The following CEP164 variants were observed in gnomAD, a reference collection of about 807,000 sequenced individuals.
CEP164 encodes the protein centrosomal protein of 164 kDa.
A neutral mutation model predicts 182.7 loss-of-function variants in CEP164; 162 were observed. The observed-to-expected ratio is 0.89, with a 90% CI of 0.78 to 1.01. The LOEUF (loss-of-function observed/expected upper bound fraction) is 1.01, where lower values mean the gene tolerates loss of function less well. CEP164 is among the 50% of genes least tolerant of loss of function. The pLI, the probability that CEP164 is intolerant of heterozygous loss-of-function variation, is 0.00. For synonymous variants in CEP164, 661 were observed against 690.0 expected (o/e 0.96, Z 0.66); for missense variants, 1,735 against 1,790.4 (o/e 0.97, Z 0.56).
At chr11:117,336,457 GC>G in intron 2 of CEP164, 1 of 1,466,438 alleles carries the variant, frequency 6.8e-7, no homozygotes, top group Non-Finnish European at 9.5e-7. Context: ...AGGATGAGGG[GC>G]CCCACCTGGG....
intron 8 of CEP164, among the ~76,000 whole-genome samples, chr11:117,369,398 A>G (rs2041976696): frequency 6.6e-6 from 1 of 152,222 alleles, no homozygotes; most frequent in Non-Finnish European, 1.5e-5. Context: ...TGGAGCCAAA[A>G]TTTGAGCCTG....
At chr11:117,373,887 T>C in intron 10 of CEP164, 56 bp downstream of exon 10, 9 of 1,494,626 alleles carry the variant, frequency 6.0e-6, no homozygotes, top group Non-Finnish European at 8.4e-6. Flanking sequence ...TTTGTGAGCC[T>C]CCAGGGTTAA....
upstream of CEP164, among the ~76,000 whole-genome samples, chr11:117,325,413 T>G (rs1388769824): frequency 6.6e-6 from 1 of 151,128 alleles, no homozygotes; most frequent in South Asian, 2.1e-4. Context: ...GAGACAGAGC[T>G]TCGCTCTTGT....
At chr11:117,370,799 T>G (rs554220137) in intron 8 of CEP164, among the ~76,000 whole-genome samples, 1 of 152,132 alleles carries the variant, frequency 6.6e-6, no homozygotes, top group Admixed American at 6.5e-5. Context: ...TAGTCCCAGC[T>G]ACTGGGGAGG....
At chr11:117,410,934 GTC>G in intron 31 of CEP164, 40 bp downstream of exon 31, 1 of 1,579,874 alleles carries the variant, frequency 6.3e-7, no homozygotes, top group Non-Finnish European at 8.7e-7. Context: ...GAACGTCATA[GTC>G]GAGCTGCTCA....
chr11:117,398,367 G>C (rs752224298), intron 27 of CEP164, among the ~76,000 whole-genome samples: 10 of 152,182 alleles, frequency 6.6e-5, no homozygotes, highest in Non-Finnish European at 1.3e-4. Flanking sequence ...GCGGCTTTTT[G>C]AGGTGCATAG....
intron 27 of CEP164, among the ~76,000 whole-genome samples, 169 bp from the exon 28 acceptor site, chr11:117,407,756 C>G (rs1450963972): frequency 6.6e-6 from 1 of 152,242 alleles, no homozygotes; most frequent in Non-Finnish European, 1.5e-5. Context: ...GTAACATACT[C>G]TTTCTCTTGT....
chr11:117,375,340 C>T (rs1414113456), intron 10 of CEP164, among the ~76,000 whole-genome samples: 1 of 152,200 alleles, frequency 6.6e-6, no homozygotes, highest in East Asian at 1.9e-4. Context: ...TATATGTGCT[C>T]TCCAACCTGC....
At chr11:117,324,032 C>T (rs921961746), upstream of CEP164, 2 of 241,776 alleles carry the variant, frequency 8.3e-6, no homozygotes, top group African/African-American at 2.3e-5. Flanking sequence ...AAAAATTTGT[C>T]ATCAATTCTT....
chr11:117,389,610 T>C (rs939310401), intron 15 of CEP164, among the ~76,000 whole-genome samples: 1 of 152,136 alleles, frequency 6.6e-6, no homozygotes, highest in African/African-American at 2.4e-5. Flanking sequence ...TGTAAAGTGA[T>C]GGGAACAGAA....
chr11:117,392,177 T>G, intron 17 of CEP164, 49 bp from the exon 18 acceptor site: 1 of 1,485,028 alleles, frequency 6.7e-7, no homozygotes, highest in South Asian at 1.4e-5. Context: ...CCTCCCACCA[T>G]GATCAGTACC....
rs2044893929 is a variant in CEP164 at position 117,393,054 on chromosome 11, G to A, written c.2544G>A (p.Glu848=). 1 of 1,613,700 alleles carries A rather than the reference G, an allele frequency of 6.2e-7. No individual in the cohort carries two copies. Among genetic ancestry groups the A allele is most frequent in the Non-Finnish European group, 8.5e-7 (1 of 1,179,956 alleles). ...EKRQEVEGEH[E]RRLDKMKEEH... ...GCCAGGAAGTGGAAGGGGAGCATGAGAGGAGGTTGGACAAGATGAAGGAGG... is the reference window on the plus strand; with the variant it reads ...GCCAGGAAGTGGAAGGGGAGCATGAAAGGAGGTTGGACAAGATGAAGGAGG... Residue 848 remains glutamate, a synonymous_variant, in exon 20 of 33, where the codon GAG becomes GAA. Coordinates refer to ENST00000278935, the MANE Select transcript of CEP164 (RefSeq NM_014956.5).
chr11:117,375,888 A>G lies in CEP164; in HGVS notation c.1317+97A>G, dbSNP rs1310653646. 6 of 1,063,410 alleles carry G rather than the reference A, an allele frequency of 5.6e-6. No individual in the cohort carries two copies. In the East Asian group the frequency reaches 1.4e-4, roughly 25 times the overall value. The allele number at this position is 1,063,410 out of a possible 1,614,324, so 65.9% of individuals were successfully genotyped here. On this transcript the variant is annotated intron_variant, in intron 11 of 32. Transcript: ENST00000278935. Reference sequence around the variant, plus strand: ...CTGAGCCCTGCCCATCACAGGGTGCATTTCTGTAAGTCCTCTCCCTTCTAA... The same window carrying G: ...CTGAGCCCTGCCCATCACAGGGTGCGTTTCTGTAAGTCCTCTCCCTTCTAA...
At chr11:117,336,732 C>T in intron 2 of CEP164, 2 of 666,122 alleles carry the variant, frequency 3.0e-6, no homozygotes, top group South Asian at 1.7e-5. Flanking sequence ...TTGAAGAGGG[C>T]CGTTTCATCC....
At chr11:117,410,021 T>C in intron 30 of CEP164, 56 bp downstream of exon 30, 1 of 1,483,012 alleles carries the variant, frequency 6.7e-7, no homozygotes, top group Non-Finnish European at 9.4e-7. Context: ...TCCTCTTCCT[T>C]CCTTTTCTTC....
At chr11:117,323,866 G>A (rs1215962169), upstream of CEP164, 10 of 414,744 alleles carry the variant, frequency 2.4e-5, no homozygotes, top group Admixed American at 1.0e-4. Context: ...ATTTTTTCAC[G>A]TACCTGTTGG....
At chr11:117,368,516 G>A (rs2041885162) in intron 8 of CEP164, among the ~76,000 whole-genome samples, 1 of 152,182 alleles carries the variant, frequency 6.6e-6, no homozygotes, top group Admixed American at 6.5e-5. Flanking sequence ...TGTATTGGTA[G>A]GCAGCCCTCT....
At chr11:117,349,786 A>G (rs2039387963) in intron 4 of CEP164, among the ~76,000 whole-genome samples, 1 of 152,134 alleles carries the variant, frequency 6.6e-6, no homozygotes, top group Admixed American at 6.5e-5. Context: ...TTACATTCCT[A>G]CCAGCAGTGT....
chr11:117,371,311 G>A lies in CEP164; in HGVS notation c.997G>A (p.Asp333Asn), dbSNP rs750156991. 5 of 1,614,094 alleles carry A rather than the reference G, an allele frequency of 3.1e-6. No homozygotes were observed. In the Admixed American group the frequency reaches 8.3e-5, roughly 27 times the overall value. ...ICRNLVTPKADPTGSEPAKAS... is the reference protein window; with the variant it reads ...ICRNLVTPKANPTGSEPAKAS... ...CAGGAATCTGGTGACCCCCAAGGCAGACCCTACAGGCAGTGAGCCTGCCAA... is the reference window on the plus strand; with the variant it reads ...CAGGAATCTGGTGACCCCCAAGGCAAACCCTACAGGCAGTGAGCCTGCCAA... The change falls in exon 9 of 33, where the codon GAC becomes AAC. Residue 333 changes from aspartate to asparagine, a missense_variant. Asp to Asn is a conservative substitution (Grantham distance 23). Transcript: ENST00000278935.
Sources: gnomAD v4.1 joint callset for allele counts (sites outside exome capture counted in the v4.1 genomes callset) on GRCh38, gnomAD v4.1.1 for gene constraint, MANE v1.5 for transcripts, NCBI Gene and HGNC (gene_info 2026-07-23, HGNC 2026-07-21) for gene names.